The following PTPRD variants were observed in gnomAD, a reference collection of about 807,000 sequenced individuals.
The protein encoded by PTPRD is protein tyrosine phosphatase receptor type D.
A neutral mutation model predicts 214.5 loss-of-function variants in PTPRD; 34 were observed. That is an observed-to-expected ratio of 0.16 (90% CI 0.12 to 0.21). PTPRD has a LOEUF of 0.21. Among genes scored for constraint, PTPRD ranks in the 10% least tolerant of loss-of-function variants. The pLI, the probability that PTPRD is intolerant of heterozygous loss-of-function variation, is 1.00. For synonymous variants in PTPRD, 1,128 were observed against 845.7 expected (o/e 1.33, Z -5.79); for missense variants, 2,545 against 2,398.7 (o/e 1.06, Z -1.27).
At chr9:9,645,359 A>G (rs2096120074) in intron 7 of PTPRD, among the ~76,000 whole-genome samples, 1 of 152,034 alleles carries the variant, frequency 6.6e-6, no homozygotes, top group Non-Finnish European at 1.5e-5. Context: ...GCTCATTCAT[A>G]TTAAACTCCC....
At chr9:10,424,559 C>T (rs1260119825) in intron 2 of PTPRD, among the ~76,000 whole-genome samples, 4 of 151,842 alleles carry the variant, frequency 2.6e-5, no homozygotes, top group East Asian at 2.0e-4. Flanking sequence ...GCTCTCCTGA[C>T]GCTTACTTGT....
At chr9:9,569,218 T>C (rs1297414497) in intron 8 of PTPRD, among the ~76,000 whole-genome samples, 1 of 151,490 alleles carries the variant, frequency 6.6e-6, no homozygotes, top group Non-Finnish European at 1.5e-5. Context: ...GCGAATGTTA[T>C]AAGTGTAATG....
At chr9:10,003,315 T>A (rs2096380827) in intron 4 of PTPRD, among the ~76,000 whole-genome samples, 1 of 151,824 alleles carries the variant, frequency 6.6e-6, no homozygotes, top group African/African-American at 2.4e-5. Context: ...CTAAGATACT[T>A]AGATTTCATA....
chr9:9,795,784 G>A (rs1414268099), intron 5 of PTPRD, among the ~76,000 whole-genome samples: 3 of 152,072 alleles, frequency 2.0e-5, no homozygotes, highest in African/African-American at 7.2e-5. Context: ...ATCAGATCAT[G>A]TCTTACCACA....
At chr9:10,395,128 T>A (rs1466445575) in intron 2 of PTPRD, among the ~76,000 whole-genome samples, 3 of 151,394 alleles carry the variant, frequency 2.0e-5, no homozygotes. Flanking sequence ...TACTTAAAGT[T>A]CTAGGGTACA....
intron 4 of PTPRD, among the ~76,000 whole-genome samples, chr9:10,032,035 C>T (rs1310883512): frequency 6.6e-6 from 1 of 152,094 alleles, no homozygotes; most frequent in African/African-American, 2.4e-5. Flanking sequence ...AACATCCTAC[C>T]TGCCTAGTTT....
rs576215976 is a variant in PTPRD, at chr9:9,402,417, A to G, written c.-236-4935T>C. Among the ~76,000 whole-genome samples, 4 of 152,246 alleles carry G rather than the reference A, an allele frequency of 2.6e-5. No homozygotes were observed. The South Asian group carries it at 8.3e-4, about 32-fold the overall frequency. On this transcript the variant is annotated intron_variant, in intron 8 of 45. Coordinates refer to ENST00000381196, the MANE Select transcript of PTPRD (RefSeq NM_002839.4). The stretch of plus-strand genomic sequence containing the variant: ...TTATACCACCCACAAGGACAAAGAA[A>G]TCCTAAAGGGAGATTTAACAAAAAA...
chr9:9,294,907 G>A (rs1010348489), intron 9 of PTPRD, among the ~76,000 whole-genome samples: 16 of 151,714 alleles, frequency 1.1e-4, no homozygotes, highest in African/African-American at 2.4e-4. Context: ...GAATACTCAC[G>A]TTTTTATTCA....
intron 10 of PTPRD, among the ~76,000 whole-genome samples, chr9:9,173,017 A>G (rs927320169): frequency 1.3e-5 from 2 of 152,076 alleles, no homozygotes; most frequent in Non-Finnish European, 2.9e-5. Flanking sequence ...AGCAGCTAAC[A>G]TGGCCTTCGT....
rs138893202 is a variant in PTPRD, at chr9:10,197,867, A to C, written c.-545+143096T>G. ...AGCAAGAACAAGCACTCAGATCTGT[A>C]AGCAAAGACCCAAAAATAGCTTTCA... On this transcript the variant is annotated intron_variant, in intron 3 of 45. Coordinates refer to ENST00000381196, the MANE Select transcript of PTPRD (RefSeq NM_002839.4). Among the ~76,000 whole-genome samples the C allele has an allele frequency of 3.0e-3, 459 of 152,266 alleles. 3 individuals carry two copies. Among genetic ancestry groups the C allele is most frequent in the African/African-American group, 9.2e-3 (384 of 41,564 alleles).
intron 9 of PTPRD, among the ~76,000 whole-genome samples, chr9:9,272,224 TG>T (rs953094393): frequency 6.6e-5 from 10 of 151,376 alleles, no homozygotes; most frequent in Admixed American, 5.3e-4. Context: ...CTCTGATATG[TG>T]GGCTTTTAAA....
intron 35 of PTPRD, among the ~76,000 whole-genome samples, chr9:8,414,778 T>C (rs1201206693): frequency 6.6e-6 from 1 of 151,502 alleles, no homozygotes. Context: ...CTTCCTCATA[T>C]TCACATCTAT....
intron 2 of PTPRD, among the ~76,000 whole-genome samples, chr9:10,477,915 G>A (rs1007221762): frequency 6.6e-6 from 1 of 151,972 alleles, no homozygotes; most frequent in Non-Finnish European, 1.5e-5. Flanking sequence ...TCACTCATAA[G>A]TGGGAGCTGA....
chr9:9,528,060 A>C (rs753958971), intron 8 of PTPRD, among the ~76,000 whole-genome samples: 10 of 152,238 alleles, frequency 6.6e-5, no homozygotes, highest in Non-Finnish European at 1.2e-4. Context: ...AAAGGGAGAC[A>C]ATCCAGCCAT....
At position 8,614,159 on chromosome 9, in the gene PTPRD, G is replaced by C. The variant is rs544909307; in HGVS notation, c.352+19158C>G. On this transcript the variant is annotated intron_variant, in intron 14 of 45. Coordinates refer to ENST00000381196, the MANE Select transcript of PTPRD (RefSeq NM_002839.4). ...AAGATATGCTTCCAGGAGAAGCAAT[G>C]GTATTACACTGAGCTTTTTGACCCT... is the stretch of plus-strand genomic sequence containing the variant. 2.6e-5 allele frequency among the ~76,000 whole-genome samples: 4 copies of C among 152,152 alleles called. No individual in the cohort carries two copies. In the South Asian group the frequency reaches 8.3e-4, roughly 32 times the overall value.
At chr9:9,391,698 T>C (rs1373656201) in intron 9 of PTPRD, among the ~76,000 whole-genome samples, 1 of 152,214 alleles carries the variant, frequency 6.6e-6, no homozygotes, top group African/African-American at 2.4e-5. Context: ...TTTATAGTAA[T>C]ATGTTTTCAG....
chr9:9,815,101 T>C (rs2048349303), intron 5 of PTPRD, among the ~76,000 whole-genome samples: 1 of 152,098 alleles, frequency 6.6e-6, no homozygotes, highest in Non-Finnish European at 1.5e-5. Flanking sequence ...TTTCCTGAAT[T>C]CAAACTATAT....
chr9:10,553,744 G>C (rs1021309718), intron 2 of PTPRD, among the ~76,000 whole-genome samples: 2 of 152,074 alleles, frequency 1.3e-5, no homozygotes, highest in East Asian at 1.9e-4. Flanking sequence ...GAAGGAGAAA[G>C]AACTATGCAG....
At chr9:10,365,051 C>A (rs1004557595) in intron 2 of PTPRD, among the ~76,000 whole-genome samples, 1 of 152,072 alleles carries the variant, frequency 6.6e-6, no homozygotes, top group Non-Finnish European at 1.5e-5. Flanking sequence ...TTCTTTATTA[C>A]ATCAAAGTGT....
Sources: gnomAD v4.1 joint callset for allele counts (sites outside exome capture counted in the v4.1 genomes callset) on GRCh38, gnomAD v4.1.1 for gene constraint, MANE v1.5 for transcripts, NCBI Gene and HGNC (gene_info 2026-07-23, HGNC 2026-07-21) for gene names.